The following F5 variants were observed in gnomAD, a reference collection of about 807,000 sequenced individuals.
The protein encoded by F5 is activated protein c cofactor.
Under a neutral mutation model 216.4 loss-of-function variants are expected in F5, and 138 were observed. That is an observed-to-expected ratio of 0.64 (90% CI 0.56 to 0.73). F5 has a LOEUF of 0.73. F5 is among the 30% of genes least tolerant of loss of function. The pLI is 0.00. For missense variants in F5, 2,403 were observed against 2,674.0 expected, an observed-to-expected ratio of 0.90 and a Z score of 2.24; for synonymous variants, 916 against 930.7, an observed-to-expected ratio of 0.98 and a Z score of 0.29.
rs757905180 is a variant in F5 at position 169,525,881 on chromosome 1, T to C, written c.5716+20A>G. On this transcript the variant is annotated intron_variant, in intron 18 of 24. Transcript: ENST00000367797. ...AGGCACTCTCCTGCCAAACCAAATA[T>C]CACATGGCTCTTGTGATACCTCTGT... 2 of 1,561,826 alleles carry C rather than the reference T, an allele frequency of 1.3e-6. No homozygotes were observed. Among genetic ancestry groups the C allele is most frequent in the South Asian group, 1.1e-5 (1 of 89,944 alleles).
At chr1:169,543,932 G>A (rs1307202642) in intron 12 of F5, among the ~76,000 whole-genome samples, 1 of 152,192 alleles carries the variant, frequency 6.6e-6, no homozygotes, top group Non-Finnish European at 1.5e-5. Flanking sequence ...TTAAGGCACT[G>A]TACCTGATGA....
chr1:169,577,054 G>T (rs561422021), intron 2 of F5, among the ~76,000 whole-genome samples: 1 of 152,276 alleles, frequency 6.6e-6, no homozygotes, highest in East Asian at 1.9e-4. Flanking sequence ...TTTTCAAGCT[G>T]CTCTTTAGCT....
chr1:169,546,961 T>A (rs1660019138), intron 10 of F5, among the ~76,000 whole-genome samples: 1 of 100,802 alleles, frequency 9.9e-6, no homozygotes. Context: ...AAAACCCGTC[T>A]CTACTAAAAA....
intron 22 of F5, among the ~76,000 whole-genome samples, chr1:169,519,496 T>A (rs1659234103): frequency 6.6e-6 from 1 of 152,154 alleles, no homozygotes; most frequent in South Asian, 2.1e-4. Flanking sequence ...AGATCTGTGT[T>A]TTATTTGGGA....
At chr1:169,539,343 A>G (rs1257492101) in intron 13 of F5, among the ~76,000 whole-genome samples, 2 of 152,216 alleles carry the variant, frequency 1.3e-5, no homozygotes, top group Admixed American at 6.5e-5. Context: ...TCCGAATGCC[A>G]TAAAAGTGGG....
At chr1:169,564,248 A>G (rs956293653) in intron 3 of F5, among the ~76,000 whole-genome samples, 1 of 152,018 alleles carries the variant, frequency 6.6e-6, no homozygotes, top group Non-Finnish European at 1.5e-5. Flanking sequence ...CTTTCCTCAC[A>G]TGTATGTGCA....
At position 169,530,927 on chromosome 1, in the gene F5, G is replaced by T. The variant is rs1207845675; in HGVS notation, c.5067C>A (p.Asp1689Glu). ...TATCTTCCTTAAACCATTCAGGAGA[G>T]TCATCTTCATAAGTCTTTCCCTCTG... ...KSSEGKTYED[D>E]SPEWFKEDNA... The change falls in exon 15 of 25, where the codon GAC (aspartate) becomes GAA (glutamate). Residue 1689 changes from aspartate (D) to glutamate (E), a missense_variant. Asp to Glu is a conservative substitution (Grantham distance 45, BLOSUM62 2). Transcript: ENST00000367797. 1 of 1,613,770 alleles carries T rather than the reference G, an allele frequency of 6.2e-7. No homozygotes were observed. The highest frequency in any genetic ancestry group is 8.5e-7 in the Non-Finnish European group (1 of 1,179,740).
intron 14 of F5, among the ~76,000 whole-genome samples, chr1:169,532,545 G>A (rs527935936): frequency 4.6e-4 from 70 of 152,202 alleles, no homozygotes; most frequent in African/African-American, 1.6e-3. Context: ...AAAATAAAAT[G>A]TACAAATGTA....
chr1:169,515,418 T>C, intron 24 of F5, 26 bp downstream of exon 24: 1 of 1,612,074 alleles, frequency 6.2e-7, no homozygotes. Context: ...TCAGATTGCT[T>C]TCTCTTTGCC....
chr1:169,521,000 A>G (rs984456948), intron 21 of F5, among the ~76,000 whole-genome samples: 1 of 152,176 alleles, frequency 6.6e-6, no homozygotes, highest in Non-Finnish European at 1.5e-5. Flanking sequence ...TTTGCCTCAT[A>G]AATCCCAGAC....
intron 2 of F5, among the ~76,000 whole-genome samples, chr1:169,581,102 C>A (rs1660976756): frequency 1.3e-5 from 2 of 151,966 alleles, no homozygotes. Flanking sequence ...GAGATTCGAA[C>A]CCTGGGGAAG....
At chr1:169,523,036 C>G (rs1373665641) in intron 21 of F5, among the ~76,000 whole-genome samples, 161 bp downstream of exon 21, 1 of 152,158 alleles carries the variant, frequency 6.6e-6, no homozygotes, top group Non-Finnish European at 1.5e-5. Flanking sequence ...AGACACAGAC[C>G]TATCATATTA....
intron 4 of F5, among the ~76,000 whole-genome samples, chr1:169,559,719 C>T (rs1355450639): frequency 6.6e-6 from 1 of 152,150 alleles, no homozygotes; most frequent in Non-Finnish European, 1.5e-5. Flanking sequence ...GAAGTATCAG[C>T]ATTAATCCAT....
intron 1 of F5, among the ~76,000 whole-genome samples, chr1:169,585,102 GGTTT>G (rs1661073887): frequency 6.6e-6 from 1 of 152,114 alleles, no homozygotes; most frequent in Admixed American, 6.5e-5. Flanking sequence ...TTTTCCTTGG[GGTTT>G]TAGCTTACGG....
chr1:169,531,079 A>C, intron 14 of F5, 57 bp from the exon 15 acceptor site: 1 of 1,313,708 alleles, frequency 7.6e-7, no homozygotes, highest in Non-Finnish European at 1.1e-6. Flanking sequence ...CTAAACCACA[A>C]AAATGTCAGC....
At chr1:169,520,763 C>T (rs1483525397) in intron 21 of F5, 99 bp from the exon 22 acceptor site, 8 of 985,490 alleles carry the variant, frequency 8.1e-6, no homozygotes, top group Non-Finnish European at 1.2e-5. Context: ...ACTACATTTT[C>T]ATGGGGTCCA....
chr1:169,516,999 AAGAGT>A (rs1286815153), intron 23 of F5, among the ~76,000 whole-genome samples: 1 of 152,176 alleles, frequency 6.6e-6, no homozygotes, highest in Non-Finnish European at 1.5e-5. Context: ...AACAAGTCTA[AAGAGT>A]CATCTGAAAA....
At chr1:169,551,306 C>T (rs1467843531) in intron 8 of F5, among the ~76,000 whole-genome samples, 1 of 152,144 alleles carries the variant, frequency 6.6e-6, no homozygotes, top group African/African-American at 2.4e-5. Flanking sequence ...AAAAATTAGC[C>T]AGGCGTTGGG....
chr1:169,540,869 G>C lies in F5; in HGVS notation c.4221C>G (p.Asp1407Glu), dbSNP rs753751906. ...LSQIPLTPDL[D>E]QMTLSPDLGE... is the part of the protein sequence containing the mutation. ...CAAGGTCTGGAGAAAGTGTCATCTG[G>C]TCGAGGTCTGGGGTAAGGGGAATTT... Residue 1407 changes from aspartate (D) to glutamate (E), a missense_variant, in exon 13 of 25, where the codon GAC becomes GAG. Physicochemically the swap from Asp to Glu is conservative, Grantham distance 45. Transcript: ENST00000367797. 2 of 1,611,056 alleles carry C rather than the reference G, an allele frequency of 1.2e-6. No individual in the cohort carries two copies. The highest frequency in any genetic ancestry group is 4.5e-5 in the East Asian group (2 of 44,460).
Sources: allele counts gnomAD v4.1 joint callset (sites outside exome capture counted in the v4.1 genomes callset), GRCh38; gene constraint gnomAD v4.1.1; transcripts MANE v1.5; gene names NCBI Gene and HGNC (gene_info 2026-07-23, HGNC 2026-07-21).